DDX60: variants seen among roughly 807,000 people sequenced by gnomAD.
DDX60 encodes DExD/H-box helicase 60.
Under a neutral mutation model 212.8 loss-of-function variants are expected in DDX60, and 165 were observed. That is an observed-to-expected ratio of 0.78 (90% CI 0.68 to 0.88). The LOEUF (loss-of-function observed/expected upper bound fraction) is 0.88. DDX60 is among the 40% of genes least tolerant of loss of function. The pLI is 0.00. For synonymous variants in DDX60, 703 were observed against 685.3 expected (o/e 1.03, Z -0.40); for missense variants, 1,905 against 2,003.9 (o/e 0.95, Z 0.94).
intron 36 of DDX60, 81 bp downstream of exon 36, chr4:168,221,649 C>A (rs1733053793): frequency 3.5e-6 from 5 of 1,436,762 alleles, no homozygotes; most frequent in Non-Finnish European, 3.7e-6. Context: ...AATGAGGTTT[C>A]TTCCTTAAAA....
chr4:168,312,136 A>G (rs1579088715), intron 1 of DDX60, among the ~76,000 whole-genome samples: 1 of 152,276 alleles, frequency 6.6e-6, no homozygotes, highest in Non-Finnish European at 1.5e-5. Flanking sequence ...ATGTGGATGG[A>G]CAAGAGAGGA....
intron 26 of DDX60, among the ~76,000 whole-genome samples, chr4:168,253,277 C>CTTGTTAAAGT (rs1410934355): frequency 6.6e-6 from 1 of 152,162 alleles, no homozygotes; most frequent in East Asian, 1.9e-4. Context: ...TCTGTTTCTC[C>CTTGTTAAAGT]TTGTTAAAGT....
intron 28 of DDX60, among the ~76,000 whole-genome samples, chr4:168,250,241 A>T (rs1351370145): frequency 1.3e-5 from 2 of 152,144 alleles, no homozygotes; most frequent in Non-Finnish European, 2.9e-5. Flanking sequence ...TTTTATTCTC[A>T]TGAAAAAGAG....
At chr4:168,290,278 G>A (rs1024259740) in intron 8 of DDX60, among the ~76,000 whole-genome samples, 9 of 151,156 alleles carry the variant, frequency 6.0e-5, no homozygotes, top group Non-Finnish European at 1.0e-4. Flanking sequence ...ATTCCTCCAG[G>A]ACTTGGGTCA....
At position 168,258,949 on chromosome 4, in the gene DDX60, C is replaced by T. The variant is rs182978291; in HGVS notation, c.3398+1916G>A. ...ATACTAAAAAACCTTGTTAAACTAACTCTTACCTTCCTAGTCACATCTTCA... is the reference window on the plus strand; with the variant it reads ...ATACTAAAAAACCTTGTTAAACTAATTCTTACCTTCCTAGTCACATCTTCA... On this transcript the variant is annotated intron_variant, in intron 25 of 37. Transcript: ENST00000393743. 3.3e-5 allele frequency among the ~76,000 whole-genome samples: 5 copies of T among 152,300 alleles called. No individual in the cohort carries two copies. The East Asian group carries it at 9.7e-4, about 29-fold the overall frequency.
intron 11 of DDX60, 78 bp downstream of exon 11, chr4:168,285,315 G>C: frequency 1.2e-6 from 1 of 843,996 alleles, no homozygotes; most frequent in African/African-American, 1.7e-5. Flanking sequence ...CTAATCGTCT[G>C]CATTTCAAAT....
upstream of DDX60, among the ~76,000 whole-genome samples, chr4:168,322,986 G>C (rs941134274): frequency 6.6e-6 from 1 of 152,208 alleles, no homozygotes; most frequent in African/African-American, 2.4e-5. Flanking sequence ...GCAACTGGTA[G>C]GGCTGATAGA....
In DDX60 at chr4:168,255,703, C is replaced by T. The variant is rs572283686; in HGVS notation, c.3557+8G>A. 4 of 1,576,512 alleles carry T rather than the reference C, an allele frequency of 2.5e-6. No homozygotes were observed. The South Asian group carries it at 4.8e-5, about 19-fold the overall frequency. On this transcript the variant is annotated splice_region_variant and intron_variant, in intron 26 of 37. Coordinates refer to ENST00000393743, the MANE Select transcript of DDX60 (RefSeq NM_017631.6). ...TCTACTTATCAATTTGTTTAGTTAA[C>T]TACTTACATGATCTTTTGTTTCTCT...
At chr4:168,308,899 T>G (rs554639669) in intron 3 of DDX60, among the ~76,000 whole-genome samples, 60 of 152,162 alleles carry the variant, frequency 3.9e-4, no homozygotes, top group African/African-American at 1.4e-3. Flanking sequence ...CACGAATGCA[T>G]AAAGTATATG....
Position 168,246,186 on chromosome 4 carries a change from G to C in DDX60, c.4164+232C>G, listed in dbSNP as rs1156473811. On this transcript the variant is annotated intron_variant, in intron 30 of 37. Coordinates refer to ENST00000393743, the MANE Select transcript of DDX60 (RefSeq NM_017631.6). The stretch of plus-strand genomic sequence containing the variant: ...TTTCACACCTGAAAATAGTAATCCT[G>C]GGTAATTTTCAGTGCCCATCCAGCC... 3.9e-5 allele frequency among the ~76,000 whole-genome samples: 6 copies of C among 152,124 alleles called. No homozygotes were observed. In the East Asian group the frequency reaches 9.6e-4, roughly 24 times the overall value.
intron 33 of DDX60, among the ~76,000 whole-genome samples, chr4:168,231,561 T>C (rs981092633): frequency 5.9e-5 from 9 of 152,188 alleles, no homozygotes; most frequent in African/African-American, 1.7e-4. Flanking sequence ...TGGTTTATCA[T>C]ATGCAAGTGA....
chr4:168,229,072 T>C (rs1019353440), intron 33 of DDX60, among the ~76,000 whole-genome samples: 2 of 151,740 alleles, frequency 1.3e-5, no homozygotes, highest in Non-Finnish European at 1.5e-5. Flanking sequence ...ATGTGGAGAC[T>C]CACACCATGA....
rs766821714 is a variant in DDX60 at position 168,217,022 on chromosome 4, G to A, written c.5050C>T (p.Arg1684Cys). The A allele has an allele frequency of 7.5e-6, 12 of 1,603,586 alleles. No homozygotes were observed. Among genetic ancestry groups the A allele is most frequent in the East Asian group, 2.3e-5 (1 of 44,354 alleles). ...TCGTCTTCATTTTCACATAGCTCAC[G>A]CAAGGAAACACTGGAAATGGGGAAA... ...LTIKSISVSL[R>C]ELCENEDDNV... The change falls in exon 38 of 38, where the codon CGT becomes TGT. Residue 1684 changes from arginine (R) to cysteine (C), a missense_variant. Physicochemically the swap from Arg to Cys is radical, Grantham distance 180. Transcript: ENST00000393743.
chr4:168,309,166 T>G (rs969925855), intron 3 of DDX60, among the ~76,000 whole-genome samples: 1 of 152,206 alleles, frequency 6.6e-6, no homozygotes, highest in Admixed American at 6.5e-5. Flanking sequence ...TCCAGTAAAC[T>G]GCTCTCCAAA....
At chr4:168,278,079 G>C (rs1735428688) in intron 14 of DDX60, among the ~76,000 whole-genome samples, 1 of 151,964 alleles carries the variant, frequency 6.6e-6, no homozygotes, top group South Asian at 2.1e-4. Context: ...CTTAATAGTG[G>C]CCCCAAACTG....
At position 168,262,075 on chromosome 4, in the gene DDX60, C is replaced by A. The variant is rs1297554863; in HGVS notation, c.3198G>T (p.Lys1066Asn). ...TCTCTTCATATTTCCTAGCATCCAT[C>A]TTTTTAATGACTAATTTATTGTTAA... ...IHFNNKLVIK[K>N]MDARKYEESL... Residue 1066 changes from lysine (K) to asparagine (N), a missense_variant, in exon 24 of 38, where the codon AAG (lysine) becomes AAT (asparagine). By Grantham distance (94) the Lys-to-Asn change is moderately conservative. Coordinates refer to ENST00000393743, the MANE Select transcript of DDX60 (RefSeq NM_017631.6). The A allele has an allele frequency of 1.2e-6, 2 of 1,601,042 alleles. No homozygotes were observed. Among genetic ancestry groups the A allele is most frequent in the East Asian group, 2.3e-5 (1 of 44,128 alleles).
chr4:168,294,242 C>A (rs765823334), intron 6 of DDX60, among the ~76,000 whole-genome samples: 5 of 152,018 alleles, frequency 3.3e-5, no homozygotes, highest in African/African-American at 1.2e-4. Context: ...ATCCTCACAC[C>A]ATATGCAAAA....
chr4:168,308,716 ATT>A (rs1172813893), intron 3 of DDX60, among the ~76,000 whole-genome samples: 1 of 148,458 alleles, frequency 6.7e-6, no homozygotes, highest in African/African-American at 2.4e-5. Context: ...ATGTATATAT[ATT>A]ATACATAGAT....
At chr4:168,261,210 T>C (rs891756617) in intron 24 of DDX60, among the ~76,000 whole-genome samples, 1 of 152,150 alleles carries the variant, frequency 6.6e-6, no homozygotes. Context: ...TACACACATA[T>C]GCAATTTAAC....
Sources: gnomAD v4.1 joint callset for allele counts (sites outside exome capture counted in the v4.1 genomes callset) on GRCh38, gnomAD v4.1.1 for gene constraint, MANE v1.5 for transcripts, NCBI Gene and HGNC (gene_info 2026-07-23, HGNC 2026-07-21) for gene names.